PSG1: variants seen among roughly 807,000 people sequenced by gnomAD.
PSG1 encodes the protein pregnancy-specific beta-1-glycoprotein 1.
Under a neutral mutation model 41.4 loss-of-function variants are expected in PSG1, and 60 were observed. That is an observed-to-expected ratio of 1.45 (90% CI 1.18 to 1.80). PSG1 has a LOEUF of 1.80. PSG1 is among the 40% of genes most tolerant of loss of function. The pLI is 0.00. For synonymous variants in PSG1, 256 were observed against 192.9 expected (o/e 1.33, Z -2.71); for missense variants, 806 against 516.9 (o/e 1.56, Z -5.42).
intron 2 of PSG1, among the ~76,000 whole-genome samples, chr19:42,872,780 T>A (rs1216325107): frequency 6.6e-6 from 1 of 151,816 alleles, no homozygotes; most frequent in Non-Finnish European, 1.5e-5. Context: ...GGGTCCATGA[T>A]GCTCCCTTCC....
chr19:42,867,845 CATT>C (rs1971198014), intron 5 of PSG1: 2 of 1,306,014 alleles, frequency 1.5e-6, no homozygotes, highest in Admixed American at 5.0e-5. Context: ...ACATTATCTT[CATT>C]ATTATCAATT....
intron 5 of PSG1, chr19:42,867,587 A>C: frequency 1.5e-6 from 1 of 664,204 alleles, no homozygotes; most frequent in South Asian, 1.8e-5. Flanking sequence ...CATGTTACAA[A>C]GAAAGCAGAT....
intron 2 of PSG1, 67 bp downstream of exon 2, chr19:42,877,846 T>C: frequency 6.2e-7 from 1 of 1,609,850 alleles, no homozygotes; most frequent in Non-Finnish European, 8.5e-7. Context: ...GGCCTGACAA[T>C]CCTGTGTGTG....
chr19:42,876,952 G>C (rs1971633369), intron 2 of PSG1: 1 of 151,666 alleles, frequency 6.6e-6, no homozygotes, highest in Non-Finnish European at 1.5e-5. Context: ...TCTCCCCTTT[G>C]TGTTTGTGTG....
chr19:42,878,725 TTCTAGA>T (rs1286849133), intron 1 of PSG1, among the ~76,000 whole-genome samples: 2 of 149,624 alleles, frequency 1.3e-5, no homozygotes, highest in African/African-American at 2.5e-5. Flanking sequence ...TGACCTCACA[TTCTAGA>T]TCTCTTTGCA....
intron 2 of PSG1, among the ~76,000 whole-genome samples, chr19:42,876,494 A>G (rs994528921): frequency 1.3e-5 from 2 of 151,400 alleles, no homozygotes; most frequent in East Asian, 1.9e-4. Context: ...TCCAATCTCT[A>G]AAGAGGTTTT....
At position 42,877,787 on chromosome 19, in the gene PSG1, C is replaced by G. The variant is rs557736669; in HGVS notation, c.430+126G>C. 65 of 1,575,436 alleles carry G rather than the reference C, an allele frequency of 4.1e-5. 1 individual carries two copies. In the South Asian group the frequency reaches 6.8e-4, roughly 16 times the overall value. On this transcript the variant is annotated intron_variant, in intron 2 of 5. Coordinates refer to ENST00000436291, the MANE Select transcript of PSG1 (RefSeq NM_001184825.2). Reference sequence around the variant, plus strand: ...CTGTGTGTGTCCTGCACTAAATGCCCAAATCCCAGCATGGGACATAACGCA... The same window carrying G: ...CTGTGTGTGTCCTGCACTAAATGCCGAAATCCCAGCATGGGACATAACGCA...
chr19:42,866,468 C>A lies in PSG1; in HGVS notation c.*666G>T. 6.1e-6 allele frequency: 1 copy of A among 162,684 alleles called. No homozygotes were observed. Among genetic ancestry groups the A allele is most frequent in the Non-Finnish European group, 1.4e-5 (1 of 73,764 alleles). 10.1% of individuals were successfully genotyped at this position (162,684 alleles called of 1,614,324 possible). A position where few individuals can be genotyped will look rare whatever the true frequency, so the allele number is the denominator to read the frequency against. On this transcript the variant is annotated 3_prime_UTR_variant, in exon 6 of 6. Coordinates refer to ENST00000436291, the MANE Select transcript of PSG1 (RefSeq NM_001184825.2). ...AATTATTTTAAGAGAACAGTATTAGCAAAGGTGGTACATGTTTTATTCTGC... is the reference window on the plus strand; with the variant it reads ...AATTATTTTAAGAGAACAGTATTAGAAAAGGTGGTACATGTTTTATTCTGC...
intron 2 of PSG1, among the ~76,000 whole-genome samples, chr19:42,877,009 A>G (rs1600513281): frequency 6.6e-6 from 1 of 151,552 alleles, no homozygotes; most frequent in South Asian, 2.1e-4. Flanking sequence ...TTTTCTCTCA[A>G]TCAAATAAGC....
intron 2 of PSG1, among the ~76,000 whole-genome samples, chr19:42,873,266 C>T (rs1371939599): frequency 6.6e-6 from 1 of 151,602 alleles, no homozygotes; most frequent in Non-Finnish European, 1.5e-5. Context: ...GGAATATTTG[C>T]AGTACATGTA....
intron 2 of PSG1, among the ~76,000 whole-genome samples, chr19:42,872,580 C>A (rs919378905): frequency 6.6e-5 from 10 of 151,674 alleles, no homozygotes; most frequent in Non-Finnish European, 1.5e-4. Flanking sequence ...AGACCAGAGT[C>A]AAGCCTGGAG....
chr19:42,877,005 C>G (rs1042392402), intron 2 of PSG1, among the ~76,000 whole-genome samples: 1 of 151,604 alleles, frequency 6.6e-6, no homozygotes, highest in Non-Finnish European at 1.5e-5. Flanking sequence ...TCAGTTTTCT[C>G]TCAATCAAAT....
intron 5 of PSG1, chr19:42,867,865 A>T: frequency 7.4e-7 from 1 of 1,351,164 alleles, no homozygotes; most frequent in Non-Finnish European, 1.0e-6. Context: ...AATTATTTCA[A>T]TGAAATCAAT....
At position 42,879,567 on chromosome 19, in the gene PSG1, T is replaced by C. The variant is rs764976569; in HGVS notation, c.15A>G (p.Ser5=). Residue 5 remains serine (S), a synonymous_variant, in exon 1 of 6, where the codon TCA becomes TCG. Coordinates refer to ENST00000436291, the MANE Select transcript of PSG1 (RefSeq NM_001184825.2). The stretch of plus-strand genomic sequence containing the variant: ...TGATGCGCTGTGTGCAGGGAGGGGC[T>C]GAGAGGGTTCCCATGGTCTCTGCTG... The part of the protein sequence containing the change: MGTL[S]APPCTQRIKW... 1.9e-6 allele frequency: 3 copies of C among 1,610,790 alleles called. 1 individual carries two copies. Among genetic ancestry groups the C allele is most frequent in the Non-Finnish European group, 2.5e-6 (3 of 1,178,314 alleles).
intron 5 of PSG1, chr19:42,867,756 AT>A: frequency 1.1e-6 from 1 of 922,166 alleles, no homozygotes; most frequent in South Asian, 1.4e-5. Flanking sequence ...CTGTAGATAG[AT>A]TAAAAGAGAA....
At chr19:42,870,964 C>A (rs1441082948) in intron 3 of PSG1, among the ~76,000 whole-genome samples, 1 of 151,518 alleles carries the variant, frequency 6.6e-6, no homozygotes, top group Non-Finnish European at 1.5e-5. Context: ...CAGGCAAAAG[C>A]TGGTGGTTTT....
In PSG1 at chr19:42,879,575, T is replaced by G. The variant is rs1064478; in HGVS notation, c.7A>C (p.Thr3Pro). The G allele has an allele frequency of 1.1e-4, 172 of 1,610,206 alleles. 4 individuals carry two copies. The highest frequency in any genetic ancestry group is 4.9e-4 in the Middle Eastern group (3 of 6,064). MG[T>P]LSAPPCTQRI... ...TGTGTGCAGGGAGGGGCTGAGAGGG[T>G]TCCCATGGTCTCTGCTGCTTGTGTG... The change falls in exon 1 of 6, where the codon ACC becomes CCC. Residue 3 changes from threonine to proline, a missense_variant. Coordinates refer to ENST00000436291, the MANE Select transcript of PSG1 (RefSeq NM_001184825.2).
chr19:42,877,571 C>T (rs1568426420), intron 2 of PSG1, among the ~76,000 whole-genome samples: 4 of 151,650 alleles, frequency 2.6e-5, no homozygotes, highest in South Asian at 4.2e-4. Flanking sequence ...TCAGGGGGCC[C>T]CTCAGGCCAA....
chr19:42,869,065 G>C, intron 3 of PSG1, 31 bp from the exon 4 acceptor site: 1 of 1,596,860 alleles, frequency 6.3e-7, no homozygotes, highest in Non-Finnish European at 8.5e-7. Flanking sequence ...AGATTGTCCT[G>C]TGTGGCACCT....
Sources: gnomAD v4.1 joint callset for allele counts (sites outside exome capture counted in the v4.1 genomes callset) on GRCh38, gnomAD v4.1.1 for gene constraint, MANE v1.5 for transcripts, NCBI Gene and HGNC (gene_info 2026-07-23, HGNC 2026-07-21) for gene names.